CENPP: variants seen among roughly 807,000 people sequenced by gnomAD.
CENPP encodes centromere protein P.
CENPP carries 24 observed loss-of-function variants against 35.6 expected under a neutral mutation model. The observed-to-expected ratio is 0.67, with a 90% confidence interval of 0.49 to 0.95. CENPP has a LOEUF of 0.95. Ranked by LOEUF, CENPP falls within the 40% of genes least tolerant of loss-of-function variation. The pLI is 0.00. For synonymous variants in CENPP, 120 were observed against 125.5 expected, an observed-to-expected ratio of 0.96 and a Z score of 0.29; for missense variants, 332 against 345.3, an observed-to-expected ratio of 0.96 and a Z score of 0.31.
At chr9:92,390,416 T>C in intron 5 of CENPP, among the ~76,000 whole-genome samples, 1 of 151,758 alleles carries the variant, frequency 6.6e-6, no homozygotes, top group Non-Finnish European at 1.5e-5. Flanking sequence ...AATCATGTAA[T>C]TTTTTTTATT....
intron 5 of CENPP, among the ~76,000 whole-genome samples, chr9:92,545,184 G>A (rs1849405491): frequency 6.6e-6 from 1 of 152,224 alleles, no homozygotes; most frequent in South Asian, 2.1e-4. Context: ...TGCTGTGGGA[G>A]CTCCTTCCTG....
intron 5 of CENPP, among the ~76,000 whole-genome samples, chr9:92,605,902 G>A (rs985183270): frequency 1.3e-5 from 2 of 152,186 alleles, no homozygotes; most frequent in Non-Finnish European, 1.5e-5. Flanking sequence ...TATTGGGTAA[G>A]TGACTTGTTC....
intron 5 of CENPP, among the ~76,000 whole-genome samples, chr9:92,569,091 C>A (rs1850069405): frequency 6.6e-6 from 1 of 152,104 alleles, no homozygotes; most frequent in South Asian, 2.1e-4. Context: ...TTTAGTAGAT[C>A]CCATTTGTCA....
intron 2 of CENPP, among the ~76,000 whole-genome samples, chr9:92,336,055 A>G (rs1840916177): frequency 6.6e-6 from 1 of 152,218 alleles, no homozygotes; most frequent in Non-Finnish European, 1.5e-5. Context: ...TAAGCATTGC[A>G]TCTATCTGTT....
At chr9:92,610,095 G>A (rs147340432) in intron 5 of CENPP, among the ~76,000 whole-genome samples, 205 of 151,980 alleles carry the variant, frequency 1.3e-3, no homozygotes, top group African/African-American at 4.7e-3. Context: ...TTGCTCTGTC[G>A]CCCAGGCTGG....
chr9:92,387,038 ACT>A (rs1842453977), intron 5 of CENPP, among the ~76,000 whole-genome samples: 1 of 131,242 alleles, frequency 7.6e-6, no homozygotes, highest in East Asian at 2.3e-4. Context: ...ACAGAGCGAG[ACT>A]CTGTCTCAAA....
chr9:92,584,559 T>G, intron 5 of CENPP, among the ~76,000 whole-genome samples: 1 of 152,132 alleles, frequency 6.6e-6, no homozygotes, highest in South Asian at 2.1e-4. Context: ...ATGACTGGTC[T>G]TGAACTCTTG....
intron 5 of CENPP, among the ~76,000 whole-genome samples, chr9:92,581,399 A>G (rs1339123698): frequency 6.6e-6 from 1 of 152,174 alleles, no homozygotes; most frequent in Non-Finnish European, 1.5e-5. Flanking sequence ...ATATATATAA[A>G]GAAACTCACA....
At chr9:92,412,130 A>G (rs958092481) in intron 5 of CENPP, among the ~76,000 whole-genome samples, 9 of 152,076 alleles carry the variant, frequency 5.9e-5, no homozygotes, top group Non-Finnish European at 1.2e-4. Context: ...CTCTATTGCC[A>G]GGGTGGAGTG....
chr9:92,500,833 AATG>A, intron 5 of CENPP: 1 of 1,614,220 alleles, frequency 6.2e-7, no homozygotes, highest in Non-Finnish European at 8.5e-7. Flanking sequence ...TCTCTCAGAG[AATG>A]ATATGCCCCA....
At chr9:92,490,991 C>A (rs1846158933) in intron 5 of CENPP, among the ~76,000 whole-genome samples, 1 of 152,020 alleles carries the variant, frequency 6.6e-6, no homozygotes, top group Admixed American at 6.6e-5. Context: ...ATAAGCTGAA[C>A]CAGTTTTGAC....
intron 5 of CENPP, among the ~76,000 whole-genome samples, chr9:92,556,190 A>G (rs1177439751): frequency 6.6e-6 from 1 of 152,138 alleles, no homozygotes; most frequent in East Asian, 1.9e-4. Context: ...ATGTATTTAC[A>G]TGGTTTTGAA....
chr9:92,524,205 C>T (rs1029455998), intron 5 of CENPP, among the ~76,000 whole-genome samples: 7 of 151,996 alleles, frequency 4.6e-5, no homozygotes, highest in African/African-American at 7.3e-5. Context: ...GGGGGAAGGG[C>T]GTGATGGTGC....
intron 1 of CENPP, among the ~76,000 whole-genome samples, chr9:92,327,088 A>G (rs1470388641): frequency 1.3e-5 from 2 of 152,242 alleles, no homozygotes; most frequent in Non-Finnish European, 2.9e-5. Context: ...ACGCTTTAGC[A>G]TTACCTGGCG....
rs1057022264 is a variant in CENPP, at chr9:92,562,646, T to G, written c.565-48668T>G. 3.3e-5 allele frequency among the ~76,000 whole-genome samples: 5 copies of G among 152,154 alleles called. No individual in the cohort carries two copies. In the East Asian group the frequency reaches 9.6e-4, roughly 29 times the overall value. On this transcript the variant is annotated intron_variant, in intron 5 of 7. Transcript: ENST00000375587. The stretch of plus-strand genomic sequence containing the variant: ...CAGAACAGTTCTTTTCCCTACAATT[T>G]TCCTTCTGCAAACCCTGAAACCCAT...
chr9:92,418,019 C>T (rs186096757), intron 5 of CENPP, among the ~76,000 whole-genome samples: 77 of 152,260 alleles, frequency 5.1e-4, no homozygotes, highest in African/African-American at 1.8e-3. Flanking sequence ...TGAGCCACCA[C>T]GCCTGGCCTC....
chr9:92,568,262 T>A (rs998259571), intron 5 of CENPP, among the ~76,000 whole-genome samples: 4 of 151,980 alleles, frequency 2.6e-5, no homozygotes, highest in Non-Finnish European at 5.9e-5. Context: ...CAGGCCCCAG[T>A]GTGTGATGTT....
intron 5 of CENPP, among the ~76,000 whole-genome samples, chr9:92,460,178 G>A (rs561932265): frequency 2.0e-5 from 3 of 151,790 alleles, no homozygotes; most frequent in African/African-American, 7.2e-5. Context: ...GGGATTACAG[G>A]CGCCCTCCAC....
chr9:92,382,450 T>C (rs1842274451), intron 5 of CENPP, among the ~76,000 whole-genome samples: 1 of 152,140 alleles, frequency 6.6e-6, no homozygotes, highest in South Asian at 2.1e-4. Flanking sequence ...GTATAGAACT[T>C]ATTCCTCCTA....
Sources: allele counts gnomAD v4.1 joint callset (sites outside exome capture counted in the v4.1 genomes callset), GRCh38; gene constraint gnomAD v4.1.1; transcripts MANE v1.5; gene names NCBI Gene and HGNC (gene_info 2026-07-23, HGNC 2026-07-21).